Variants in GRIP2 observed in about 807,000 individuals in gnomAD.
GRIP2 encodes glutamate receptor-interacting protein 2.
GRIP2 carries 58 observed loss-of-function variants against 108.3 expected under a neutral mutation model. The ratio of observed to expected loss-of-function variants is 0.54; its 90% CI spans 0.43 to 0.67. The LOEUF is 0.67. Among genes scored for constraint, GRIP2 ranks in the 30% least tolerant of loss-of-function variants. GRIP2 has a pLI of 0.00. For missense variants in GRIP2, 1,278 were observed against 1,430.6 expected (o/e 0.89, Z 1.72); for synonymous variants, 586 against 598.2 (o/e 0.98, Z 0.30).
the GRIP2 span, among the ~76,000 whole-genome samples, chr3:14,583,959 A>C: frequency 1.3e-5 from 2 of 152,164 alleles, no homozygotes; most frequent in Admixed American, 6.5e-5. Flanking sequence ...CAGCCCTAGA[A>C]TTAGAATTTT....
intron 9 of GRIP2, 109 bp downstream of exon 9, chr3:14,520,001 T>C: frequency 9.6e-7 from 1 of 1,042,712 alleles, no homozygotes; most frequent in Admixed American, 2.8e-5. Context: ...GGATTTGTCC[T>C]AGTACATTTT....
rs1466890052 is a variant in GRIP2 at position 14,493,569 on chromosome 3, T to G, written c.*96A>C. ...GCTCAGAGTCTGCCAGACCAACAGA[T>G]GAATGAGTGGGTGGCCGCTTCTCCA... On this transcript the variant is annotated 3_prime_UTR_variant, in exon 24 of 24. Transcript: ENST00000621039. 3 of 1,357,594 alleles carry G rather than the reference T, an allele frequency of 2.2e-6. No homozygotes were observed. Among genetic ancestry groups the G allele is most frequent in the Non-Finnish European group, 2.0e-6 (2 of 1,012,340 alleles). 84.1% of individuals were successfully genotyped at this position (1,357,594 alleles called of 1,614,324 possible).
chr3:14,552,430 C>T (rs77483777), intron 1 of GRIP2, among the ~76,000 whole-genome samples: 3,585 of 152,252 alleles, frequency 0.024, 126 homozygotes, highest in African/African-American at 0.081. Context: ...ATACCTATGA[C>T]GTAATAGATG....
chr3:14,574,339 C>G, the GRIP2 span: 8 of 1,023,324 alleles, frequency 7.8e-6, no homozygotes, highest in East Asian at 1.3e-4. Context: ...AGTTTGCGCA[C>G]CGGCACAGCG....
chr3:14,513,832 G>C, intron 12 of GRIP2, 22 bp from the exon 13 acceptor site: 9 of 1,609,278 alleles, frequency 5.6e-6, no homozygotes, highest in Non-Finnish European at 7.6e-6. Flanking sequence ...GGGCCCGGCA[G>C]AGAGAAGAGG....
the GRIP2 span, among the ~76,000 whole-genome samples, chr3:14,598,003 G>A: frequency 1.7e-3 from 265 of 152,260 alleles, 3 homozygotes; most frequent in Middle Eastern, 0.017. Flanking sequence ...CCCACTACCT[G>A]ATTTAAGGCA....
At chr3:14,589,981 T>C in the GRIP2 span, among the ~76,000 whole-genome samples, 2 of 152,036 alleles carry the variant, frequency 1.3e-5, no homozygotes, top group Non-Finnish European at 2.9e-5. Flanking sequence ...TTTGTAGAGA[T>C]GAGGTCTCAC....
the GRIP2 span, among the ~76,000 whole-genome samples, chr3:14,586,630 T>C: frequency 6.6e-6 from 1 of 152,188 alleles, no homozygotes; most frequent in Non-Finnish European, 1.5e-5. Flanking sequence ...GGAATAGCCA[T>C]ACTCCAGGAG....
the GRIP2 span, among the ~76,000 whole-genome samples, chr3:14,585,569 T>C: frequency 6.6e-6 from 1 of 152,026 alleles, no homozygotes; most frequent in East Asian, 1.9e-4. Flanking sequence ...TGTCCTAGGG[T>C]GACTGTCAGA....
chr3:14,517,533 G>A lies in GRIP2; in HGVS notation c.1156+239C>T, dbSNP rs550473274. Among the ~76,000 whole-genome samples the A allele has an allele frequency of 1.1e-3, 126 of 115,820 alleles. No homozygotes were observed. Among genetic ancestry groups the A allele is most frequent in the Non-Finnish European group, 1.4e-3 (85 of 61,216 alleles). 76.0% of individuals were successfully genotyped at this position (115,820 alleles called of 152,430 possible). The stretch of plus-strand genomic sequence containing the variant: ...TTTTTTTTTTTTTAGTTGAGGTCTC[G>A]CTCTGTCACCCAGGCTGAAGTGCGG... On this transcript the variant is annotated intron_variant, in intron 10 of 23. Transcript: ENST00000621039.
intron 1 of GRIP2, among the ~76,000 whole-genome samples, chr3:14,554,792 C>A (rs1305423740): frequency 5.3e-5 from 8 of 152,192 alleles, no homozygotes; most frequent in African/African-American, 1.9e-4. Flanking sequence ...TACTTAACCG[C>A]TCTGTGCCTC....
At chr3:14,524,355 G>A (rs192989512) in intron 4 of GRIP2, 38 bp downstream of exon 4, 116 of 1,594,580 alleles carry the variant, frequency 7.3e-5, no homozygotes, top group Admixed American at 1.0e-4. Context: ...ACCCGCAACC[G>A]AGGCAGTGGA....
At chr3:14,542,397 T>G (rs1694991433), upstream of GRIP2, among the ~76,000 whole-genome samples, 1 of 152,152 alleles carries the variant, frequency 6.6e-6, no homozygotes, top group African/African-American at 2.4e-5. Context: ...CTGCTCCTTC[T>G]CAAAACAAAA....
chr3:14,542,194 C>T (rs991463591), upstream of GRIP2: 2 of 615,544 alleles, frequency 3.2e-6, no homozygotes, highest in African/African-American at 2.0e-5. Context: ...CTCACTCTGT[C>T]ACCTGGGCTG....
At chr3:14,514,102 G>C (rs1024822008) in intron 12 of GRIP2, among the ~76,000 whole-genome samples, 190 bp downstream of exon 12, 3 of 152,268 alleles carry the variant, frequency 2.0e-5, no homozygotes, top group African/African-American at 4.8e-5. Context: ...GATTCCATGG[G>C]TGAGCTGTGT....
Position 14,505,930 on chromosome 3 carries a change from T to C in GRIP2, c.2399-141A>G, listed in dbSNP as rs1305335924. On this transcript the variant is annotated intron_variant, in intron 19 of 23. Coordinates refer to ENST00000621039, the MANE Select transcript of GRIP2 (RefSeq NM_001080423.4). This position sits in a 1 kb window ranked among gnomAD's most constrained non-coding sequence, Gnocchi z 4.2. ...GCATCTACACAGCCCTCTGAGGGCCTCTGCCTCTCAGAATCTCCCTGGAGC... is the reference window on the plus strand; with the variant it reads ...GCATCTACACAGCCCTCTGAGGGCCCCTGCCTCTCAGAATCTCCCTGGAGC... 1.4e-6 allele frequency: 1 copy of C among 691,126 alleles called. No individual in the cohort carries two copies. Among genetic ancestry groups the C allele is most frequent in the Admixed American group, 3.5e-5 (1 of 28,672 alleles). The allele number at this position is 691,126 out of a possible 1,614,324, so 42.8% of individuals were successfully genotyped here. A position where few individuals can be genotyped will look rare whatever the true frequency, so the allele number is the denominator to read the frequency against.
intron 1 of GRIP2, among the ~76,000 whole-genome samples, chr3:14,528,413 G>A (rs1253169073): frequency 6.6e-6 from 1 of 152,188 alleles, no homozygotes; most frequent in East Asian, 1.9e-4. Flanking sequence ...GCATTGCTAG[G>A]TGGTATGGCA....
At chr3:14,555,611 GGAGA>G (rs994243580) in intron 1 of GRIP2, among the ~76,000 whole-genome samples, 1 of 151,816 alleles carries the variant, frequency 6.6e-6, no homozygotes, top group African/African-American at 2.4e-5. Context: ...AGGAGAGAGA[GGAGA>G]GAGAGACAGA....
At chr3:14,520,632 GA>G in intron 7 of GRIP2, 95 bp from the exon 8 acceptor site, 1 of 1,305,250 alleles carries the variant, frequency 7.7e-7, no homozygotes, top group Non-Finnish European at 1.1e-6. Flanking sequence ...TTGCTGCCTG[GA>G]AGAAACTGTT....
Sources: allele counts gnomAD v4.1 joint callset (sites outside exome capture counted in the v4.1 genomes callset), GRCh38; gene constraint gnomAD v4.1.1; non-coding constraint Gnocchi (gnomAD v3.1); transcripts MANE v1.5; gene names NCBI Gene and HGNC (gene_info 2026-07-23, HGNC 2026-07-21).